Variants in VSTM1 observed in about 807,000 individuals in gnomAD.
VSTM1 encodes V-set and transmembrane domain-containing protein 1.
Under a neutral mutation model 33.1 loss-of-function variants are expected in VSTM1, and 27 were observed. That is an observed-to-expected ratio of 0.82 (90% CI 0.60 to 1.12). The LOEUF (loss-of-function observed/expected upper bound fraction) is 1.12. Among genes scored for constraint, VSTM1 ranks in the 50% most tolerant of loss-of-function variants. VSTM1 has a pLI of 0.00. For missense variants in VSTM1, 304 were observed against 288.9 expected, an observed-to-expected ratio of 1.05 and a Z score of -0.38; for synonymous variants, 115 against 110.3, an observed-to-expected ratio of 1.04 and a Z score of -0.27.
At chr19:54,055,173 T>C (rs1940087225) in intron 3 of VSTM1, among the ~76,000 whole-genome samples, 2 of 140,856 alleles carry the variant, frequency 1.4e-5, no homozygotes, top group South Asian at 4.8e-4. Flanking sequence ...TCCCATACTT[T>C]TCCACACAAT....
rs74177847 is a variant in VSTM1 at position 54,054,848 on chromosome 19, AATGGATGGATGGATGGATGG to A, written c.356-3420_356-3401del. The stretch of plus-strand genomic sequence containing the variant: ...GGTTGGATGGATTAATGGATAGATG[AATGGATGGATGGATGGATGG>A]ATGGATGGATGGATGAGTTGATGGA... On this transcript the variant is annotated intron_variant, in intron 3 of 8. Transcript: ENST00000338372. Among the ~76,000 whole-genome samples the A allele has an allele frequency of 7.2e-5, 9 of 125,282 alleles. 3 individuals carry two copies. The highest frequency in any genetic ancestry group is 3.8e-3 in the Middle Eastern group (1 of 266). 82.2% of individuals were successfully genotyped at this position (125,282 alleles called of 152,430 possible).
intron 4 of VSTM1, among the ~76,000 whole-genome samples, chr19:54,044,156 G>A (rs1289178691): frequency 2.0e-5 from 3 of 152,184 alleles, no homozygotes; most frequent in African/African-American, 7.2e-5. Flanking sequence ...AGTGGGGAGG[G>A]GTGGGGCTCT....
rs865781855 is a variant in VSTM1, at chr19:54,058,842, T to C, written c.35-110A>G. 19 of 496,324 alleles carry C rather than the reference T, an allele frequency of 3.8e-5. 2 individuals carry two copies. The highest frequency in any genetic ancestry group is 5.7e-4 in the Middle Eastern group (1 of 1,760). The allele number at this position is 496,324 out of a possible 1,614,324, so 30.7% of individuals were successfully genotyped here. ...TAGGTCTGAGATATATATATATATA[T>C]AATGTATATATGTATTATATATAAT... On this transcript the variant is annotated intron_variant, in intron 1 of 8. Coordinates refer to ENST00000338372, the MANE Select transcript of VSTM1 (RefSeq NM_198481.4).
At chr19:54,063,086 C>A (rs943103239) in intron 1 of VSTM1, among the ~76,000 whole-genome samples, 1 of 152,128 alleles carries the variant, frequency 6.6e-6, no homozygotes, top group Admixed American at 6.6e-5. Context: ...GCCTGTAATC[C>A]CAGCACTTTG....
Position 54,041,933 on chromosome 19 carries a change from G to A in VSTM1, c.536C>T (p.Pro179Leu), listed in dbSNP as rs1216216620. 5 of 1,614,014 alleles carry A rather than the reference G, an allele frequency of 3.1e-6. No homozygotes were observed. The South Asian group carries it at 3.3e-5, about 11-fold the overall frequency. The change falls in exon 7 of 9, where the codon CCG becomes CTG. Residue 179 changes from proline (P) to leucine (L), a missense_variant. Physicochemically the swap from Pro to Leu is moderately conservative, Grantham distance 98. Coordinates refer to ENST00000338372, the MANE Select transcript of VSTM1 (RefSeq NM_198481.4). ...STKRTSHSKL[P>L]EQEAAEADLS... Reference sequence around the variant, plus strand: ...TCCCTTACCGGCAGCCTCCTGCTCCGGAAGTTTGGAATGGCTGGTTCTGAA... The same window carrying A: ...TCCCTTACCGGCAGCCTCCTGCTCCAGAAGTTTGGAATGGCTGGTTCTGAA...
At chr19:54,048,408 G>C in intron 4 of VSTM1, 1 of 344,980 alleles carries the variant, frequency 2.9e-6, no homozygotes, top group Non-Finnish European at 6.0e-6. Context: ...GAGCCACTGC[G>C]CCCGGCAAAG....
At chr19:54,057,491 G>A (rs1201085278) in intron 3 of VSTM1, among the ~76,000 whole-genome samples, 1 of 150,286 alleles carries the variant, frequency 6.7e-6, no homozygotes, top group Non-Finnish European at 1.5e-5. Context: ...CTCCTGCCTG[G>A]GTGACAGAGC....
chr19:54,050,767 G>A (rs1266350859), intron 4 of VSTM1, among the ~76,000 whole-genome samples: 3 of 151,254 alleles, frequency 2.0e-5, no homozygotes, highest in Non-Finnish European at 4.4e-5. Flanking sequence ...ATTGCTTGAG[G>A]TCAGGAGTTT....
At chr19:54,053,863 C>T in intron 3 of VSTM1, among the ~76,000 whole-genome samples, 1 of 142,404 alleles carries the variant, frequency 7.0e-6, no homozygotes. Flanking sequence ...TGATAGCTTG[C>T]TCTTATTTCT....
At chr19:54,046,566 T>C (rs2438048) in intron 4 of VSTM1, among the ~76,000 whole-genome samples, 147,191 of 152,096 alleles carry the variant, frequency 0.97, 71,383 homozygotes, top group Middle Eastern at 1. Context: ...CTCTCTGTAA[T>C]AGATTCTGTC....
At chr19:54,063,718 C>G in intron 1 of VSTM1, 26 bp downstream of exon 1, 1 of 1,613,448 alleles carries the variant, frequency 6.2e-7, no homozygotes, top group Non-Finnish European at 8.5e-7. Flanking sequence ...AGCCCAAGCC[C>G]ATTCGTCCCA....
Position 54,042,190 on chromosome 19 carries a change from G to T in VSTM1, c.494C>A (p.Ser165Ter), listed in dbSNP as rs1437928271. ...IIYRCSQHSS[S>*]SEESTKRTSH... ...CTACCTCTTGGTGGATTCCTCAGAT[G>T]ATGAACCTACAAAAAATGCAGGAGG... Residue 165 changes from serine to a stop codon, truncating the protein, a stop_gained, in exon 6 of 9, where the codon TCA becomes TAA. Coordinates refer to ENST00000338372, the MANE Select transcript of VSTM1 (RefSeq NM_198481.4). LOFTEE classifies it high-confidence loss of function. 2 of 1,613,884 alleles carry T rather than the reference G, an allele frequency of 1.2e-6. No individual in the cohort carries two copies.
At chr19:54,058,153 T>C (rs1474484105) in intron 3 of VSTM1, among the ~76,000 whole-genome samples, 153 bp downstream of exon 3, 1 of 150,044 alleles carries the variant, frequency 6.7e-6, no homozygotes, top group Admixed American at 6.7e-5. Flanking sequence ...GGAGGGAGAA[T>C]TGCTTGAACC....
rs35280887 is a variant in VSTM1, at chr19:54,054,634, AATGG to A, written c.356-3190_356-3187del. 7.2e-4 allele frequency among the ~76,000 whole-genome samples: 97 copies of A among 135,372 alleles called. 14 individuals carry two copies. Among genetic ancestry groups the A allele is most frequent in the African/African-American group, 2.3e-3 (85 of 37,366 alleles). 88.8% of individuals were successfully genotyped at this position (135,372 alleles called of 152,430 possible). ...TTAGTGACTAATAAATGAATGGATGAATGGATGGATGGATGGATGGATGGATGGA... is the reference window on the plus strand; with the variant it reads ...TTAGTGACTAATAAATGAATGGATGAATGGATGGATGGATGGATGGATGGA... On this transcript the variant is annotated intron_variant, in intron 3 of 8. Transcript: ENST00000338372.
At chr19:54,042,861 C>CTT (rs565051370) in intron 4 of VSTM1, among the ~76,000 whole-genome samples, 1 of 103,462 alleles carries the variant, frequency 9.7e-6, no homozygotes, top group Non-Finnish European at 2.0e-5. Flanking sequence ...TATATACACA[C>CTT]TTTTTTTTTT....
At chr19:54,052,391 C>A (rs1449346235) in intron 3 of VSTM1, among the ~76,000 whole-genome samples, 4 of 136,790 alleles carry the variant, frequency 2.9e-5, no homozygotes, top group African/African-American at 1.1e-4. Flanking sequence ...GAGCCAGACT[C>A]CGTCTCAAAA....
At chr19:54,053,011 G>C (rs1324181211) in intron 3 of VSTM1, 1 of 146,690 alleles carries the variant, frequency 6.8e-6, no homozygotes. Flanking sequence ...AAAGCAGCCA[G>C]TGACCCTTCC....
intron 3 of VSTM1, among the ~76,000 whole-genome samples, chr19:54,052,376 G>A (rs544840447): frequency 5.8e-5 from 7 of 121,482 alleles, no homozygotes; most frequent in Admixed American, 1.7e-4. Flanking sequence ...CCAGCCTGAG[G>A]GACAGAGCCA....
rs761612423 is a variant in VSTM1, at chr19:54,040,922, A to G, written c.*39T>C. ...CAGATTTCCGATAACCTTGGCCAGC[A>G]CGATCCCCCCTCCTTTAGTGGCCAG... is the stretch of plus-strand genomic sequence containing the variant. On this transcript the variant is annotated 3_prime_UTR_variant, in exon 9 of 9. Transcript: ENST00000338372. 181 of 1,601,486 alleles carry G rather than the reference A, an allele frequency of 1.1e-4. No individual in the cohort carries two copies. Among genetic ancestry groups the G allele is most frequent in the Non-Finnish European group, 1.2e-4 (140 of 1,174,598 alleles).
Sources: allele counts gnomAD v4.1 joint callset (sites outside exome capture counted in the v4.1 genomes callset), GRCh38; gene constraint gnomAD v4.1.1; transcripts MANE v1.5; gene names NCBI Gene and HGNC (gene_info 2026-07-23, HGNC 2026-07-21).